The following SHANK2 variants were observed in gnomAD, a reference collection of about 807,000 sequenced individuals.
SHANK2 encodes SH3 and multiple ankyrin repeat domains protein 2.
In SHANK2, 43 loss-of-function variants were observed where a neutral mutation model predicts 133.7. The observed-to-expected ratio is 0.32, with a 90% CI of 0.25 to 0.41. SHANK2 has a LOEUF of 0.41. SHANK2 is among the 10% of genes least tolerant of loss of function. The pLI, the probability that SHANK2 is intolerant of heterozygous loss-of-function variation, is 1.00. For missense variants in SHANK2, 1,994 were observed against 2,235.8 expected (o/e 0.89, Z 2.18); for synonymous variants, 1,017 against 952.8 (o/e 1.07, Z -1.24).
chr11:70,888,752 G>C (rs1457332273), intron 11 of SHANK2, among the ~76,000 whole-genome samples: 1 of 152,126 alleles, frequency 6.6e-6, no homozygotes, highest in East Asian at 1.9e-4. Flanking sequence ...GGGAGGTGGA[G>C]GTTGAAGTGA....
rs185882772 is a variant in SHANK2, at chr11:70,836,682, G to A, written c.1175-16000C>T. Among the ~76,000 whole-genome samples the A allele has an allele frequency of 2.6e-4, 39 of 152,284 alleles. No individual in the cohort carries two copies. The South Asian group carries it at 2.9e-3, about 11-fold the overall frequency. ...GAAAGAACCACTGCAGCTGCCCAAC[G>A]CCTGGGTGTCTCAGGACACATTCAA... On this transcript the variant is annotated intron_variant, in intron 11 of 25. Coordinates refer to ENST00000601538, the MANE Select transcript of SHANK2 (RefSeq NM_012309.5).
chr11:71,164,851 C>G (rs1953105734), intron 2 of SHANK2, among the ~76,000 whole-genome samples: 1 of 152,148 alleles, frequency 6.6e-6, no homozygotes, highest in Admixed American at 6.5e-5. Context: ...CTGAAGGGCA[C>G]TTTCCAGTCA....
At chr11:70,881,108 G>C (rs1262358423) in intron 11 of SHANK2, among the ~76,000 whole-genome samples, 2 of 152,182 alleles carry the variant, frequency 1.3e-5, no homozygotes, top group Non-Finnish European at 2.9e-5. Flanking sequence ...CCCGATCATA[G>C]CTCATTGCAG....
In SHANK2 at chr11:71,094,159, C is replaced by T. The variant is rs141658385; in HGVS notation, c.744+378G>A. ...GGAGGGAGGTGATGGGTCATGGGGG[C>T]GGATTCTCAGGAATGGCTTAACACC... On this transcript the variant is annotated intron_variant, in intron 7 of 25. Transcript: ENST00000601538. 5.1e-3 allele frequency among the ~76,000 whole-genome samples: 768 copies of T among 152,054 alleles called. 3 individuals are homozygous for T. The highest frequency in any genetic ancestry group is 0.011 in the Admixed American group (174 of 15,274).
intron 2 of SHANK2, among the ~76,000 whole-genome samples, chr11:71,147,935 T>C (rs1181423784): frequency 2.6e-5 from 4 of 151,576 alleles, no homozygotes; most frequent in African/African-American, 9.7e-5. Flanking sequence ...GAACCAAGAG[T>C]CATGAGCAGA....
chr11:70,949,642 C>T lies in SHANK2; in HGVS notation c.1108-53075G>A, dbSNP rs563231488. 3.3e-5 allele frequency among the ~76,000 whole-genome samples: 5 copies of T among 152,272 alleles called. No individual in the cohort carries two copies. The East Asian group carries it at 5.8e-4, about 18-fold the overall frequency. ...AGTGTTTGCAGGGATCATGGGGGGCCGGCTGGACACAACCACCTCCTCCTG... is the reference window on the plus strand; with the variant it reads ...AGTGTTTGCAGGGATCATGGGGGGCTGGCTGGACACAACCACCTCCTCCTG... On this transcript the variant is annotated intron_variant, in intron 10 of 25. Transcript: ENST00000601538.
chr11:71,246,946 CTG>C (rs1223204587), intron 1 of SHANK2, among the ~76,000 whole-genome samples: 52 of 152,300 alleles, frequency 3.4e-4, no homozygotes, highest in African/African-American at 1.2e-3. Flanking sequence ...CCAGCAATGA[CTG>C]TACAGCTTTT....
chr11:71,170,128 G>A (rs1178445528), intron 2 of SHANK2, among the ~76,000 whole-genome samples: 1 of 152,080 alleles, frequency 6.6e-6, no homozygotes, highest in Non-Finnish European at 1.5e-5. Flanking sequence ...AATGTTTAAT[G>A]CTAAATTTAT....
chr11:70,636,149 T>C (rs1324331386), intron 17 of SHANK2, among the ~76,000 whole-genome samples: 1 of 152,260 alleles, frequency 6.6e-6, no homozygotes, highest in African/African-American at 2.4e-5. Context: ...CTCTGCCCTG[T>C]AGCTGCACAG....
At chr11:70,643,303 C>T (rs896547604) in intron 17 of SHANK2, among the ~76,000 whole-genome samples, 4 of 152,162 alleles carry the variant, frequency 2.6e-5, no homozygotes, top group African/African-American at 9.7e-5. Flanking sequence ...GTGGCTCACA[C>T]CTGTAATCCC....
chr11:71,074,451 G>A (rs1287001159), intron 9 of SHANK2, among the ~76,000 whole-genome samples: 1 of 152,128 alleles, frequency 6.6e-6, no homozygotes, highest in Admixed American at 6.5e-5. Flanking sequence ...TTTTCTGGAC[G>A]TTGCCTATTG....
intron 3 of SHANK2, among the ~76,000 whole-genome samples, chr11:71,124,869 G>A (rs1196793993): frequency 4.6e-5 from 7 of 152,118 alleles, no homozygotes; most frequent in African/African-American, 1.4e-4. Flanking sequence ...AAAATCTATC[G>A]GCATTATTTC....
At position 70,939,834 on chromosome 11, in the gene SHANK2, T is replaced by C. The variant is rs144100527; in HGVS notation, c.1108-43267A>G. Among the ~76,000 whole-genome samples, 778 of 152,338 alleles carry C rather than the reference T, an allele frequency of 5.1e-3. 6 individuals are homozygous for C. The highest frequency in any genetic ancestry group is 0.012 in the South Asian group (58 of 4,816). On this transcript the variant is annotated intron_variant, in intron 10 of 25. Transcript: ENST00000601538. ...CATAAATAAGTGAACTTTGTCTTCA[T>C]AGATGTCATGAAGTTAACGATCTTC... is the stretch of plus-strand genomic sequence containing the variant.
intron 11 of SHANK2, among the ~76,000 whole-genome samples, chr11:70,868,242 AG>A (rs1487512188): frequency 6.6e-6 from 1 of 152,120 alleles, no homozygotes; most frequent in African/African-American, 2.4e-5. Flanking sequence ...ACAGAGGCTG[AG>A]GGGGTCGGCA....
At chr11:71,199,765 G>C (rs1471466801) in intron 2 of SHANK2, among the ~76,000 whole-genome samples, 1 of 152,168 alleles carries the variant, frequency 6.6e-6, no homozygotes, top group African/African-American at 2.4e-5. Context: ...CTAATCCCCT[G>C]CGCTGGAAAG....
intron 10 of SHANK2, among the ~76,000 whole-genome samples, chr11:70,938,881 C>T (rs1950606389): frequency 6.6e-6 from 1 of 152,108 alleles, no homozygotes; most frequent in Non-Finnish European, 1.5e-5. Flanking sequence ...GAGGGCCCTT[C>T]TTAGCGGGGC....
At chr11:71,243,048 T>C (rs1020312045) in intron 1 of SHANK2, among the ~76,000 whole-genome samples, 1 of 152,210 alleles carries the variant, frequency 6.6e-6, no homozygotes, top group Non-Finnish European at 1.5e-5. Flanking sequence ...TCAAAACTTA[T>C]GGAATACAAC....
intron 2 of SHANK2, among the ~76,000 whole-genome samples, chr11:71,215,991 G>A (rs1460034579): frequency 6.6e-5 from 10 of 152,068 alleles, no homozygotes; most frequent in Non-Finnish European, 1.5e-5. Flanking sequence ...AGGCAAGGGA[G>A]TGGAGCAAGT....
intron 13 of SHANK2, among the ~76,000 whole-genome samples, 180 bp from the exon 14 acceptor site, chr11:70,798,736 G>A (rs1344598008): frequency 1.3e-5 from 2 of 152,186 alleles, no homozygotes; most frequent in East Asian, 1.9e-4. Context: ...AAGAGGCACC[G>A]GGGCATCACC....
Sources: allele counts gnomAD v4.1 joint callset (sites outside exome capture counted in the v4.1 genomes callset), GRCh38; gene constraint gnomAD v4.1.1; transcripts MANE v1.5; gene names NCBI Gene and HGNC (gene_info 2026-07-23, HGNC 2026-07-21).